Variants in FEZ1 observed in about 807,000 individuals in gnomAD.
The protein encoded by FEZ1 is fasciculation and elongation protein zeta 1.
In FEZ1, 20 loss-of-function variants were observed where a neutral mutation model predicts 49.3. The observed-to-expected ratio is 0.41, with a 90% confidence interval of 0.29 to 0.59. The LOEUF (loss-of-function observed/expected upper bound fraction) is 0.59. Among genes scored for constraint, FEZ1 ranks in the 20% least tolerant of loss-of-function variants. The pLI is 0.36. For synonymous variants in FEZ1, 170 were observed against 180.9 expected, an observed-to-expected ratio of 0.94 and a Z score of 0.48; for missense variants, 413 against 476.0, an observed-to-expected ratio of 0.87 and a Z score of 1.23.
At chr11:125,494,942 C>G (rs1957443013) in intron 1 of FEZ1, among the ~76,000 whole-genome samples, 1 of 152,184 alleles carries the variant, frequency 6.6e-6, no homozygotes, top group Admixed American at 6.5e-5. Flanking sequence ...GTCCATAGAT[C>G]AACTGATTCC....
At chr11:125,461,752 G>T (rs117415706) in intron 4 of FEZ1, among the ~76,000 whole-genome samples, 1 of 152,202 alleles carries the variant, frequency 6.6e-6, no homozygotes, top group Non-Finnish European at 1.5e-5. Context: ...TAAAGTCCCC[G>T]AGGCCAGCAT....
chr11:125,450,990 T>C (rs1014530500), intron 8 of FEZ1, among the ~76,000 whole-genome samples: 15 of 152,228 alleles, frequency 9.9e-5, no homozygotes, highest in Admixed American at 6.5e-4. Context: ...CCACTCAAAA[T>C]AGAAAAAAGT....
intron 5 of FEZ1, among the ~76,000 whole-genome samples, chr11:125,457,443 TATATATATGTATATATACAC>T (rs1207346740): frequency 1.3e-5 from 1 of 74,288 alleles, no homozygotes; most frequent in African/African-American, 4.8e-5. Flanking sequence ...TATATATATA[TATATATATGTATATATACAC>T]ATATATATGT....
At chr11:125,494,718 G>A (rs1276537321) in intron 1 of FEZ1, among the ~76,000 whole-genome samples, 1 of 152,094 alleles carries the variant, frequency 6.6e-6, no homozygotes, top group East Asian at 1.9e-4. Flanking sequence ...ACACTCACGG[G>A]GCTTAACAGA....
At chr11:125,448,161 T>A (rs1956914982) in intron 9 of FEZ1, among the ~76,000 whole-genome samples, 2 of 152,244 alleles carry the variant, frequency 1.3e-5, no homozygotes, top group South Asian at 2.1e-4. Context: ...GTCTCCAGCT[T>A]CCTTTCAAGT....
rs571851996 is a variant in FEZ1, at chr11:125,480,874, C to T, written c.411+660G>A. 3.3e-5 allele frequency among the ~76,000 whole-genome samples: 5 copies of T among 152,074 alleles called. No homozygotes were observed. The East Asian group carries it at 9.7e-4, about 30-fold the overall frequency. ...CTAACACAGTGAAACCACATCTCTA[C>T]TAAAAATACAAAAAATTAGCCAGGC... On this transcript the variant is annotated intron_variant, in intron 3 of 9. Transcript: ENST00000278919.
At position 125,481,633 on chromosome 11, in the gene FEZ1, C is replaced by G; in HGVS notation, c.312G>C (p.Glu104Asp). 5 of 1,602,172 alleles carry G rather than the reference C, an allele frequency of 3.1e-6. No homozygotes were observed. Among genetic ancestry groups the G allele is most frequent in the Non-Finnish European group, 4.3e-6 (5 of 1,169,366 alleles). The change falls in exon 3 of 10, where the codon GAG becomes GAC. Residue 104 changes from glutamate (E) to aspartate (D), a missense_variant and splice_region_variant. By Grantham distance (45) the Glu-to-Asp change is conservative. Transcript: ENST00000278919. Reference protein sequence around the residue: ...QEEEETLQDEEVWDALTDNYI... With the variant: ...QEEEETLQDEDVWDALTDNYI... Reference sequence around the variant, plus strand: ...AATTGTCTGTCAGAGCATCCCAAACCCTGTAAACAAAGAGAAGCTCTCATT... The same window carrying G: ...AATTGTCTGTCAGAGCATCCCAAACGCTGTAAACAAAGAGAAGCTCTCATT...
intron 3 of FEZ1, among the ~76,000 whole-genome samples, chr11:125,464,780 A>T (rs1024315103): frequency 6.6e-6 from 1 of 152,196 alleles, no homozygotes; most frequent in South Asian, 2.1e-4. Context: ...CTCAACCTAG[A>T]TATGGGGTAG....
rs1027345511 is a variant in FEZ1 at position 125,445,666 on chromosome 11, G to A, written c.*429C>T. ...CACTGGCTGCCACAGGCCACAGGCCGGCGTGCAAAGAATGCTATACAGCCC... is the reference window on the plus strand; with the variant it reads ...CACTGGCTGCCACAGGCCACAGGCCAGCGTGCAAAGAATGCTATACAGCCC... On this transcript the variant is annotated 3_prime_UTR_variant, in exon 10 of 10. Coordinates refer to ENST00000278919, the MANE Select transcript of FEZ1 (RefSeq NM_005103.5). This position sits in a 1 kb window ranked among gnomAD's most constrained non-coding sequence, Gnocchi z 4.4. 6 of 307,254 alleles carry A rather than the reference G, an allele frequency of 2.0e-5. No individual in the cohort carries two copies. Among genetic ancestry groups the A allele is most frequent in the Non-Finnish European group, 3.2e-5 (5 of 156,890 alleles). 19.0% of individuals were successfully genotyped at this position (307,254 alleles called of 1,614,324 possible).
rs1957461797 is a variant in FEZ1, at chr11:125,495,804, AC to A, written c.-46+316del. Reference sequence around the variant, plus strand: ...CACGCGGGCACACACACGCGGACACACACACACACACACACACACACACACA... The same window carrying A: ...CACGCGGGCACACACACGCGGACACAACACACACACACACACACACACACA... On this transcript the variant is annotated intron_variant, in intron 1 of 9. Transcript: ENST00000278919. The surrounding 1 kb of genome is among the most constrained non-coding windows in gnomAD (Gnocchi z 4.2). 1 of 23,004 alleles carries A rather than the reference AC, an allele frequency of 4.3e-5. No homozygotes were observed. Among genetic ancestry groups the A allele is most frequent in the African/African-American group, 1.6e-4 (1 of 6,092 alleles). 1.4% of individuals were successfully genotyped at this position (23,004 alleles called of 1,614,324 possible).
At chr11:125,491,991 TA>T (rs1281166688) in intron 1 of FEZ1, among the ~76,000 whole-genome samples, 1 of 152,234 alleles carries the variant, frequency 6.6e-6, no homozygotes, top group Non-Finnish European at 1.5e-5. Flanking sequence ...TTAACATCTT[TA>T]GGAGTTATTT....
intron 1 of FEZ1, among the ~76,000 whole-genome samples, chr11:125,493,344 A>G (rs1957401997): frequency 7.0e-6 from 1 of 143,006 alleles, no homozygotes; most frequent in African/African-American, 2.7e-5. Flanking sequence ...CAAGAAAGAA[A>G]GAAAGAAAGA....
At chr11:125,455,212 G>A (rs1438772693) in intron 6 of FEZ1, among the ~76,000 whole-genome samples, 1 of 151,924 alleles carries the variant, frequency 6.6e-6, no homozygotes, top group Admixed American at 6.6e-5. Context: ...CCAACATGGT[G>A]AAACCCCATC....
rs771840165 is a variant in FEZ1, at chr11:125,454,165, G to A, written c.985C>T (p.Arg329Cys). The stretch of plus-strand genomic sequence containing the variant: ...GTTCCTGAGGAGCCAAAGGTCTGGC[G>A]GATGCCACTCTGCAGAATGTTGGAG... ...GISNILQSGI[R>C]QTFGSSGTDK... Residue 329 changes from arginine to cysteine, a missense_variant, in exon 7 of 10, where the codon CGC (arginine) becomes TGC (cysteine). Coordinates refer to ENST00000278919, the MANE Select transcript of FEZ1 (RefSeq NM_005103.5). 24 of 1,613,378 alleles carry A rather than the reference G, an allele frequency of 1.5e-5. No individual in the cohort carries two copies. The highest frequency in any genetic ancestry group is 5.5e-5 in the South Asian group (5 of 90,884).
chr11:125,493,552 A>T (rs932268030), intron 1 of FEZ1, among the ~76,000 whole-genome samples: 1 of 151,490 alleles, frequency 6.6e-6, no homozygotes, highest in Non-Finnish European at 1.5e-5. Context: ...GAAAGAAAGA[A>T]AGGTGATGTG....
chr11:125,458,184 T>A (rs1000336117), intron 5 of FEZ1, among the ~76,000 whole-genome samples: 1 of 152,232 alleles, frequency 6.6e-6, no homozygotes, highest in Admixed American at 6.5e-5. Context: ...ATTCTGCCTC[T>A]GCTTTCACCA....
At chr11:125,485,895 G>A (rs1591601298) in intron 2 of FEZ1, among the ~76,000 whole-genome samples, 3 of 152,228 alleles carry the variant, frequency 2.0e-5, no homozygotes, top group South Asian at 4.1e-4. Context: ...GCAGCGAGCC[G>A]AGATCATGCC....
At chr11:125,474,368 A>G (rs1421111080) in intron 3 of FEZ1, among the ~76,000 whole-genome samples, 1 of 151,498 alleles carries the variant, frequency 6.6e-6, no homozygotes, top group Admixed American at 6.6e-5. Context: ...GGATCTCACT[A>G]TGTTGCCCAG....
At chr11:125,482,137 C>A (rs1957286582) in intron 2 of FEZ1, among the ~76,000 whole-genome samples, 1 of 152,086 alleles carries the variant, frequency 6.6e-6, no homozygotes, top group Non-Finnish European at 1.5e-5. Context: ...TAGTTTATAA[C>A]CGTTTCAGTT....
Sources: gnomAD v4.1 joint callset for allele counts (sites outside exome capture counted in the v4.1 genomes callset) on GRCh38, gnomAD v4.1.1 for gene constraint, Gnocchi (gnomAD v3.1) non-coding constraint, MANE v1.5 for transcripts, NCBI Gene and HGNC (gene_info 2026-07-23, HGNC 2026-07-21) for gene names.